TMEM232: variants seen among roughly 807,000 people sequenced by gnomAD.
TMEM232 encodes transmembrane protein 232.
Under a neutral mutation model 78.8 loss-of-function variants are expected in TMEM232, and 80 were observed. The ratio of observed to expected loss-of-function variants is 1.01; its 90% CI spans 0.85 to 1.22. The LOEUF (loss-of-function observed/expected upper bound fraction) is 1.22, where lower values mean the gene tolerates loss of function less well. Ranked by LOEUF, TMEM232 falls within the 50% of genes most tolerant of loss-of-function variation. The pLI is 0.00. For synonymous variants in TMEM232, 297 were observed against 254.3 expected (o/e 1.17, Z -1.60); for missense variants, 881 against 742.2 (o/e 1.19, Z -2.17).
intron 12 of TMEM232, among the ~76,000 whole-genome samples, chr5:110,491,969 TAAG>T (rs1046562510): frequency 1.3e-5 from 2 of 151,986 alleles, no homozygotes; most frequent in South Asian, 2.1e-4. Flanking sequence ...CTTAAAAAAT[TAAG>T]AAGCAATTTA....
At position 110,569,977 on chromosome 5, in the gene TMEM232, C is replaced by T. The variant is rs1452957894; in HGVS notation, c.1277-1352G>A. ...CAAGTACTTTTCTTTCTAGTCATGA[C>T]CTTCCATTCCATTCATAGGAAAGAA... is the stretch of plus-strand genomic sequence containing the variant. On this transcript the variant is annotated intron_variant, in intron 10 of 13. Transcript: ENST00000455884. 2.0e-5 allele frequency among the ~76,000 whole-genome samples: 3 copies of T among 151,776 alleles called. No individual in the cohort carries two copies. In the East Asian group the frequency reaches 5.8e-4, roughly 29 times the overall value.
At chr5:110,526,231 A>G (rs558996280) in intron 12 of TMEM232, among the ~76,000 whole-genome samples, 14 of 151,654 alleles carry the variant, frequency 9.2e-5, no homozygotes, top group African/African-American at 3.4e-4. Flanking sequence ...TCTATTACAA[A>G]GAAAAATGAC....
At chr5:110,437,530 G>A (rs1356372779) in intron 12 of TMEM232, among the ~76,000 whole-genome samples, 6 of 151,986 alleles carry the variant, frequency 3.9e-5, no homozygotes, top group Non-Finnish European at 7.4e-5. Context: ...TCCAGTTTCA[G>A]TAATACTTAT....
chr5:110,687,870 C>G (rs1793621847), intron 1 of TMEM232, among the ~76,000 whole-genome samples: 1 of 151,948 alleles, frequency 6.6e-6, no homozygotes, highest in Non-Finnish European at 1.5e-5. Flanking sequence ...TTAGAAAACA[C>G]CATTTGGAAA....
Position 110,518,967 on chromosome 5 carries a change from C to T in TMEM232, c.1703+9621G>A, listed in dbSNP as rs531189020. Among the ~76,000 whole-genome samples, 205 of 150,430 alleles carry T rather than the reference C, an allele frequency of 1.4e-3. 1 individual carries two copies. The highest frequency in any genetic ancestry group is 2.3e-3 in the Non-Finnish European group (155 of 67,618). On this transcript the variant is annotated intron_variant, in intron 12 of 13. Transcript: ENST00000455884. ...AAAAAAACACATAAAATAGATTTAG[C>T]ATCTAGCTAAACTAGCTAAGGTGAA...
intron 6 of TMEM232, among the ~76,000 whole-genome samples, chr5:110,626,719 C>T (rs938480506): frequency 3.3e-5 from 5 of 151,764 alleles, no homozygotes; most frequent in African/African-American, 7.3e-5. Context: ...ATCTGAATTC[C>T]GCTTCCACCT....
At chr5:110,727,394 G>A (rs1166411790), upstream of TMEM232, among the ~76,000 whole-genome samples, 2 of 152,272 alleles carry the variant, frequency 1.3e-5, no homozygotes, top group Non-Finnish European at 2.9e-5. Flanking sequence ...GGCGGATCAC[G>A]AGGTCAGGAG....
rs555644701 is a variant in TMEM232, at chr5:110,528,736, T to C, written c.1555A>G (p.Ile519Val). 4.4e-5 allele frequency: 67 copies of C among 1,534,668 alleles called. No individual in the cohort carries two copies. In the South Asian group the frequency reaches 7.8e-4, roughly 18 times the overall value. Residue 519 changes from isoleucine (I) to valine (V), a missense_variant, in exon 12 of 14, where the codon ATT becomes GTT. Coordinates refer to ENST00000455884, the MANE Select transcript of TMEM232 (RefSeq NM_001039763.4). The part of the protein sequence containing the change: ...EVFSKYIGWR[I>V]ANTLSKLFFP... ...AATAGTTTGGAAAGAGTGTTGGCAATTCTCCACCCAATATATTTGGAGAAA... is the reference window on the plus strand; with the variant it reads ...AATAGTTTGGAAAGAGTGTTGGCAACTCTCCACCCAATATATTTGGAGAAA...
At chr5:110,603,782 A>C (rs1196857345) in intron 10 of TMEM232, among the ~76,000 whole-genome samples, 1 of 152,210 alleles carries the variant, frequency 6.6e-6, no homozygotes, top group East Asian at 1.9e-4. Context: ...GGAAAAGGTC[A>C]CACTAATTAC....
intron 12 of TMEM232, among the ~76,000 whole-genome samples, chr5:110,464,974 A>G (rs1761920473): frequency 6.6e-6 from 1 of 152,232 alleles, no homozygotes; most frequent in African/African-American, 2.4e-5. Flanking sequence ...TTACACAGGA[A>G]GCCAGCCAAA....
intron 11 of TMEM232, among the ~76,000 whole-genome samples, chr5:110,564,426 C>T (rs1011725466): frequency 1.3e-5 from 2 of 151,776 alleles, no homozygotes; most frequent in South Asian, 2.1e-4. Context: ...AAAATATATA[C>T]GTTTACTCAA....
chr5:110,464,840 C>T (rs1217378550), intron 12 of TMEM232, among the ~76,000 whole-genome samples: 2 of 152,102 alleles, frequency 1.3e-5, no homozygotes, highest in Non-Finnish European at 2.9e-5. Flanking sequence ...GTGTATCTAT[C>T]TATCTATCTA....
chr5:110,511,703 T>C (rs1767776358), intron 12 of TMEM232, among the ~76,000 whole-genome samples: 3 of 152,136 alleles, frequency 2.0e-5, no homozygotes, highest in Non-Finnish European at 2.9e-5. Flanking sequence ...TTTAGAGAAG[T>C]TAACTTACCA....
intron 12 of TMEM232, among the ~76,000 whole-genome samples, chr5:110,497,174 A>G (rs1765736388): frequency 6.6e-6 from 1 of 152,110 alleles, no homozygotes; most frequent in Admixed American, 6.6e-5. Flanking sequence ...AATACCAACC[A>G]TACATTAATA....
chr5:110,500,250 C>A (rs1490573794), intron 12 of TMEM232, among the ~76,000 whole-genome samples: 1 of 137,752 alleles, frequency 7.3e-6, no homozygotes, highest in Non-Finnish European at 1.5e-5. Flanking sequence ...GACTGCGCCA[C>A]TGCACTCTAG....
At chr5:110,570,921 C>G (rs1776869186) in intron 10 of TMEM232, among the ~76,000 whole-genome samples, 3 of 151,990 alleles carry the variant, frequency 2.0e-5, no homozygotes, top group Non-Finnish European at 4.4e-5. Flanking sequence ...ATCCCACCCC[C>G]TCTTGCTAAT....
At chr5:110,478,173 A>C (rs368135660) in intron 12 of TMEM232, among the ~76,000 whole-genome samples, 1 of 152,068 alleles carries the variant, frequency 6.6e-6, no homozygotes, top group Middle Eastern at 3.4e-3. Context: ...AATCATCAAC[A>C]TCGACCCAGT....
chr5:110,648,257 T>C (rs529961065), intron 2 of TMEM232, among the ~76,000 whole-genome samples: 77 of 152,116 alleles, frequency 5.1e-4, no homozygotes, highest in Non-Finnish European at 5.9e-5. Context: ...ATACCAGAAA[T>C]TGAAGAGAAT....
intron 11 of TMEM232, among the ~76,000 whole-genome samples, chr5:110,544,219 T>A (rs941152517): frequency 6.6e-6 from 1 of 152,272 alleles, no homozygotes; most frequent in East Asian, 1.9e-4. Flanking sequence ...ATGGGAATTT[T>A]AAAAATATCT....
Sources: allele counts gnomAD v4.1 joint callset (sites outside exome capture counted in the v4.1 genomes callset), GRCh38; gene constraint gnomAD v4.1.1; transcripts MANE v1.5; gene names NCBI Gene and HGNC (gene_info 2026-07-23, HGNC 2026-07-21).